The following ADPRHL1 variants were observed in gnomAD, a reference collection of about 807,000 sequenced individuals.
ADPRHL1 encodes ADP-ribosylhydrolase like 1, also known as inactive ADP-ribosyltransferase ARH2.
ADPRHL1 carries 43 observed loss-of-function variants against 44.1 expected under a neutral mutation model. That is an observed-to-expected ratio of 0.98 (90% confidence interval 0.76 to 1.26). The LOEUF is 1.26. Among genes scored for constraint, ADPRHL1 ranks in the 50% most tolerant of loss-of-function variants. The pLI is 0.00. For synonymous variants in ADPRHL1, 878 were observed against 1,017.4 expected, an observed-to-expected ratio of 0.86 and a Z score of 2.61; for missense variants, 2,022 against 2,496.9, an observed-to-expected ratio of 0.81 and a Z score of 4.05.
chr13:113,404,906 C>T lies in ADPRHL1; in HGVS notation c.4376G>A (p.Trp1459Ter), dbSNP rs1407899182. 1.2e-5 allele frequency: 15 copies of T among 1,244,646 alleles called. No individual in the cohort carries two copies. Among genetic ancestry groups the T allele is most frequent in the Non-Finnish European group, 1.5e-5 (15 of 996,614 alleles). The allele number at this position is 1,244,646 out of a possible 1,614,324, so 77.1% of individuals were successfully genotyped here. ...PWEERGRSTA[W>*]GEGTRAARNP... ...CCTGGCAGCCCTGGTGCCCTCTCCCCACGCCGTGCTCCGCCCCCGCTCCTC... is the reference window on the plus strand; with the variant it reads ...CCTGGCAGCCCTGGTGCCCTCTCCCTACGCCGTGCTCCGCCCCCGCTCCTC... The change falls in exon 8 of 8, where the codon TGG becomes TAG. Residue 1459 changes from tryptophan to a stop codon, truncating the protein, a stop_gained. Transcript: ENST00000612156. LOFTEE classifies it low-confidence loss of function (END_TRUNC).
chr13:113,414,368 T>C (rs2043876336), intron 7 of ADPRHL1, among the ~76,000 whole-genome samples: 1 of 152,126 alleles, frequency 6.6e-6, no homozygotes, highest in South Asian at 2.1e-4. Flanking sequence ...CCTCTGCGGA[T>C]GAGCCTGGAG....
At position 113,422,906 on chromosome 13, in the gene ADPRHL1, T is replaced by C; in HGVS notation, c.981A>G (p.Lys327=). The change falls in exon 7 of 8, where the codon AAA becomes AAG. Residue 327 remains lysine, a synonymous_variant. Coordinates refer to ENST00000612156, the MANE Select transcript of ADPRHL1 (RefSeq NM_001394807.1). ...GLLYGLDLVP[K]GLYQDLEDKE... ...TGTCCTCCAGGTCCTGGTACAAGCC[T>C]TTGGGAACGAGGTCCAGGCCGTACA... is the stretch of plus-strand genomic sequence containing the variant. 1 of 1,612,882 alleles carries C rather than the reference T, an allele frequency of 6.2e-7. No homozygotes were observed. The highest frequency in any genetic ancestry group is 8.5e-7 in the Non-Finnish European group (1 of 1,179,972).
chr13:113,431,127 G>A (rs909904955), intron 3 of ADPRHL1, among the ~76,000 whole-genome samples: 4 of 152,196 alleles, frequency 2.6e-5, no homozygotes, highest in African/African-American at 9.7e-5. Flanking sequence ...CTGTCACGGC[G>A]CCATTGGCCA....
At chr13:113,421,568 G>A (rs902152330) in intron 7 of ADPRHL1, among the ~76,000 whole-genome samples, 9 of 152,286 alleles carry the variant, frequency 5.9e-5, no homozygotes, top group South Asian at 2.1e-4. Context: ...GGAGTGAGGC[G>A]CCTGGAAGTG....
intron 2 of ADPRHL1, among the ~76,000 whole-genome samples, chr13:113,437,167 C>A (rs375318063): frequency 3.1e-5 from 4 of 129,408 alleles, no homozygotes. Context: ...AGCACCCACA[C>A]GTAGAGTGAA....
intron 7 of ADPRHL1, among the ~76,000 whole-genome samples, chr13:113,412,739 GCC>G (rs1566467595): frequency 7.1e-6 from 1 of 140,406 alleles, no homozygotes; most frequent in Admixed American, 7.1e-5. Flanking sequence ...CGCCAACAGT[GCC>G]CCGCGGAGCT....
chr13:113,415,706 G>C (rs1191236717), intron 7 of ADPRHL1, among the ~76,000 whole-genome samples: 1 of 133,084 alleles, frequency 7.5e-6, no homozygotes, highest in Non-Finnish European at 1.5e-5. Flanking sequence ...AGCTGAGATC[G>C]TGCCACTTCA....
intron 2 of ADPRHL1, among the ~76,000 whole-genome samples, chr13:113,439,142 A>G (rs895177178): frequency 4.0e-5 from 6 of 151,594 alleles, no homozygotes; most frequent in Non-Finnish European, 8.8e-5. Flanking sequence ...TTTGAGACGG[A>G]GTCTCACTCT....
chr13:113,439,215 C>T lies in ADPRHL1; in HGVS notation c.379+5210G>A, dbSNP rs112659949. On this transcript the variant is annotated intron_variant, in intron 2 of 7. Transcript: ENST00000612156. ...TCAGCTCACTGCAACCTCCGCCTCC[C>T]GGGTTCAAGTGATTCTTGTGCCTCA... Among the ~76,000 whole-genome samples the T allele has an allele frequency of 9.0e-3, 1,365 of 151,788 alleles. 15 individuals are homozygous for T. Among genetic ancestry groups the T allele is most frequent in the African/African-American group, 0.031 (1,268 of 41,360 alleles).
At position 113,444,425 on chromosome 13, in the gene ADPRHL1, C is replaced by G; in HGVS notation, c.379G>C (p.Gly127Arg). ...LAWHTPFNEK[G>R]SGFGAATKAM... ...GGGGAGAGGAGAGGATTTCCCTGAC[C>G]TTTTTCATTGAACGGTGTGTGCCAG... The change falls in exon 2 of 8, where the codon GGC (glycine) becomes CGC (arginine). Residue 127 changes from glycine (G) to arginine (R), a missense_variant and splice_region_variant. By Grantham distance (125) the Gly-to-Arg change is moderately radical (BLOSUM62 -2). Around this residue, in one of 8 missense-constraint regions of ADPRHL1, gnomAD observed 437 missense variants for 430.7 expected, o/e 1.01. Transcript: ENST00000612156. The G allele has an allele frequency of 2.5e-6, 4 of 1,613,488 alleles. No homozygotes were observed. In the South Asian group the frequency reaches 3.3e-5, roughly 13 times the overall value.
chr13:113,417,051 G>C (rs185896769), intron 7 of ADPRHL1, among the ~76,000 whole-genome samples: 41 of 152,340 alleles, frequency 2.7e-4, no homozygotes, highest in African/African-American at 8.9e-4. Flanking sequence ...AGATAGGAGA[G>C]AGAGACAGCA....
At chr13:113,427,789 C>T (rs1030154351) in intron 4 of ADPRHL1, among the ~76,000 whole-genome samples, 8 of 152,216 alleles carry the variant, frequency 5.3e-5, no homozygotes, top group South Asian at 4.1e-4. Context: ...TGTGTGCGGA[C>T]GCTGACTTTC....
Position 113,406,697 on chromosome 13 carries a change from T to G in ADPRHL1, c.2585A>C (p.Asn862Thr). The change falls in exon 8 of 8, where the codon AAT becomes ACT. Residue 862 changes from asparagine to threonine, a missense_variant. Physicochemically the swap from Asn to Thr is moderately conservative, Grantham distance 65. Transcript: ENST00000612156. Reference sequence around the variant, plus strand: ...AGGTTTGTTTTCACCACTTGACATATTTTGCAGCCTGGTGGGAGGGGCTGG... The same window carrying G: ...AGGTTTGTTTTCACCACTTGACATAGTTTGCAGCCTGGTGGGAGGGGCTGG... ...EMPAPPTRLQ[N>T]MSSGENKPCI... The G allele has an allele frequency of 8.1e-7, 1 of 1,231,912 alleles. No individual in the cohort carries two copies. Among genetic ancestry groups the G allele is most frequent in the South Asian group, 4.1e-5 (1 of 24,320 alleles). The allele number at this position is 1,231,912 out of a possible 1,614,324, so 76.3% of individuals were successfully genotyped here.
intron 2 of ADPRHL1, among the ~76,000 whole-genome samples, chr13:113,443,023 G>A (rs1050865458): frequency 3.9e-5 from 6 of 152,182 alleles, no homozygotes; most frequent in African/African-American, 1.4e-4. Flanking sequence ...TTCTAGAAAT[G>A]TGATTTGGAT....
rs1330853813 is a variant in ADPRHL1, at chr13:113,429,110, G to C, written c.506-18C>G. 3 of 1,603,182 alleles carry C rather than the reference G, an allele frequency of 1.9e-6. No individual in the cohort carries two copies. Among genetic ancestry groups the C allele is most frequent in the East Asian group, 2.2e-5 (1 of 44,512 alleles). On this transcript the variant is annotated intron_variant, in intron 3 of 7. Transcript: ENST00000612156. ...CAGGAAGCCTGGAGGGCAGGGAAGA[G>C]AGAGGGGGCACCATCACCTGGGCCG...
chr13:113,442,008 CTGTT>C (rs1566480900), intron 2 of ADPRHL1, among the ~76,000 whole-genome samples: 1 of 152,276 alleles, frequency 6.6e-6, no homozygotes, highest in Non-Finnish European at 1.5e-5. Flanking sequence ...GCGCGGGTCT[CTGTT>C]TGCATCCAGT....
At position 113,403,691 on chromosome 13, in the gene ADPRHL1, G is replaced by C. The variant is rs1414994198; in HGVS notation, c.5591C>G (p.Pro1864Arg). The change falls in exon 8 of 8, where the codon CCA becomes CGA. Residue 1864 changes from proline to arginine, a missense_variant. Coordinates refer to ENST00000612156, the MANE Select transcript of ADPRHL1 (RefSeq NM_001394807.1). ...CTTGCCCCTGAGGGGGCGGCTTCCT[G>C]GGGGTGGGTACCCGGCGCTGGGCTC... ...LGEPSAGYPPPGSRPLRGKSI... is the reference protein window; with the variant it reads ...LGEPSAGYPPRGSRPLRGKSI... 5.5e-5 allele frequency: 68 copies of C among 1,231,840 alleles called. No homozygotes were observed. Among genetic ancestry groups the C allele is most frequent in the Non-Finnish European group, 6.4e-5 (63 of 988,200 alleles). 76.3% of individuals were successfully genotyped at this position (1,231,840 alleles called of 1,614,324 possible).
At chr13:113,419,072 C>A (rs2043902239) in intron 7 of ADPRHL1, among the ~76,000 whole-genome samples, 1 of 101,624 alleles carries the variant, frequency 9.8e-6, no homozygotes, top group Non-Finnish European at 2.1e-5. Flanking sequence ...CCTTCACTCC[C>A]TCCTTCCTTC....
In ADPRHL1 at chr13:113,441,843, C is replaced by T. The variant is rs1010369223; in HGVS notation, c.379+2582G>A. On this transcript the variant is annotated intron_variant, in intron 2 of 7. Coordinates refer to ENST00000612156, the MANE Select transcript of ADPRHL1 (RefSeq NM_001394807.1). The surrounding 1 kb of genome is among the most constrained non-coding windows in gnomAD (Gnocchi z 6.0). ...GTCCGTGTCTCTGTCACGTTGTGTC[C>T]CGCCGCGTGGGTCCGTGTCACTATC... is the stretch of plus-strand genomic sequence containing the variant. Among the ~76,000 whole-genome samples, 2 of 152,154 alleles carry T rather than the reference C, an allele frequency of 1.3e-5. No individual in the cohort carries two copies. The highest frequency in any genetic ancestry group is 4.8e-5 in the African/African-American group (2 of 41,438).
Sources: allele counts gnomAD v4.1 joint callset (sites outside exome capture counted in the v4.1 genomes callset), GRCh38; gene constraint gnomAD v4.1.1; regional missense constraint gnomAD v4.1.1; non-coding constraint Gnocchi (gnomAD v3.1); transcripts MANE v1.5; gene names NCBI Gene and HGNC (gene_info 2026-07-23, HGNC 2026-07-21).